Variants in GALNTL6 observed in about 807,000 individuals in gnomAD.
GALNTL6 encodes the protein polypeptide N-acetylgalactosaminyltransferase like 6, also known as polypeptide N-acetylgalactosaminyltransferase-like 6.
In GALNTL6, 46 loss-of-function variants were observed where a neutral mutation model predicts 73.7. The observed-to-expected ratio is 0.62, with a 90% confidence interval of 0.49 to 0.80. GALNTL6 has a LOEUF of 0.80. GALNTL6 is among the 30% of genes least tolerant of loss of function. GALNTL6 has a pLI of 0.00. For missense variants in GALNTL6, 604 were observed against 755.0 expected, an observed-to-expected ratio of 0.80 and a Z score of 2.34; for synonymous variants, 259 against 263.7, an observed-to-expected ratio of 0.98 and a Z score of 0.17.
chr4:172,253,606 G>T (rs185732697), intron 3 of GALNTL6, among the ~76,000 whole-genome samples: 1 of 151,996 alleles, frequency 6.6e-6, no homozygotes, highest in Admixed American at 6.6e-5. Context: ...ATAATGGGTG[G>T]CATTTCTGAA....
intron 7 of GALNTL6, among the ~76,000 whole-genome samples, chr4:172,857,832 T>G (rs895866188): frequency 3.3e-5 from 5 of 152,210 alleles, no homozygotes; most frequent in African/African-American, 1.2e-4. Context: ...ATCTTGACTT[T>G]GAGGAAGGAA....
intron 2 of GALNTL6, among the ~76,000 whole-genome samples, chr4:171,981,092 C>T (rs768098232): frequency 7.9e-5 from 12 of 152,182 alleles, no homozygotes; most frequent in Non-Finnish European, 1.2e-4. Context: ...CTGACACAAC[C>T]TCAGGGGTCT....
chr4:172,673,514 C>T (rs1732109292), intron 5 of GALNTL6, among the ~76,000 whole-genome samples: 1 of 152,048 alleles, frequency 6.6e-6, no homozygotes, highest in African/African-American at 2.4e-5. Flanking sequence ...GAGTTCAGGT[C>T]CTAAACATAT....
At chr4:173,024,516 C>G (rs992234246) in intron 12 of GALNTL6, among the ~76,000 whole-genome samples, 7 of 152,206 alleles carry the variant, frequency 4.6e-5, no homozygotes, top group African/African-American at 1.7e-4. Flanking sequence ...AGAGAAATCT[C>G]TCTGGTGTGT....
At chr4:172,130,104 C>T (rs28482366) in intron 2 of GALNTL6, among the ~76,000 whole-genome samples, 67,414 of 151,104 alleles carry the variant, frequency 0.45, 15,655 homozygotes, top group African/African-American at 0.56. Flanking sequence ...GGTAATTATT[C>T]TTGGTTACAA....
At position 172,877,723 on chromosome 4, in the gene GALNTL6, G is replaced by T. The variant is rs569314234; in HGVS notation, c.924-5067G>T. 1.1e-4 allele frequency among the ~76,000 whole-genome samples: 17 copies of T among 151,364 alleles called. No individual in the cohort carries two copies. In the East Asian group the frequency reaches 3.1e-3, roughly 28 times the overall value. On this transcript the variant is annotated intron_variant, in intron 7 of 12. Coordinates refer to ENST00000506823, the MANE Select transcript of GALNTL6 (RefSeq NM_001034845.3). ...TTCAGAAAAGTCATGTATTTCTATG[G>T]CCTGTAGAAAAAAAAATCTTCAGTA...
At chr4:172,292,667 T>C (rs1362522214) in intron 3 of GALNTL6, among the ~76,000 whole-genome samples, 2 of 152,128 alleles carry the variant, frequency 1.3e-5, no homozygotes, top group African/African-American at 2.4e-5. Context: ...GAAAATTTTA[T>C]AAAACATAGC....
chr4:172,920,270 C>T (rs1747727580), intron 8 of GALNTL6, among the ~76,000 whole-genome samples: 1 of 152,052 alleles, frequency 6.6e-6, no homozygotes. Context: ...TTCTTTTTTT[C>T]TCGCTATCTC....
At chr4:172,770,265 C>CTATAAATA (rs1553986835) in intron 5 of GALNTL6, among the ~76,000 whole-genome samples, 8 of 141,292 alleles carry the variant, frequency 5.7e-5, no homozygotes, top group Non-Finnish European at 1.5e-5. Flanking sequence ...GACTCCATCT[C>CTATAAATA]AATAAATAAA....
intron 5 of GALNTL6, among the ~76,000 whole-genome samples, chr4:172,407,016 AT>A (rs1251119498): frequency 6.6e-6 from 1 of 152,012 alleles, no homozygotes. Context: ...ATCATTTTAA[AT>A]GGGTCAATTT....
At chr4:172,485,286 A>G (rs560729635) in intron 5 of GALNTL6, among the ~76,000 whole-genome samples, 6 of 152,212 alleles carry the variant, frequency 3.9e-5, no homozygotes, top group African/African-American at 1.4e-4. Context: ...CAAATTGCAG[A>G]TCCTGAAAGA....
At chr4:172,265,794 T>C (rs1393486222) in intron 3 of GALNTL6, among the ~76,000 whole-genome samples, 1 of 152,224 alleles carries the variant, frequency 6.6e-6, no homozygotes, top group African/African-American at 2.4e-5. Context: ...ACAACTATTA[T>C]ATAGATTAAT....
chr4:172,612,208 T>C (rs966036221), intron 5 of GALNTL6, among the ~76,000 whole-genome samples: 1 of 152,074 alleles, frequency 6.6e-6, no homozygotes, highest in African/African-American at 2.4e-5. Flanking sequence ...TCCAAAATGT[T>C]TAACTTCTTT....
intron 8 of GALNTL6, among the ~76,000 whole-genome samples, chr4:172,928,099 G>A (rs1467975545): frequency 2.0e-5 from 3 of 152,214 alleles, no homozygotes; most frequent in Non-Finnish European, 4.4e-5. Flanking sequence ...TCCACTGCCA[G>A]TTTTGGTAAG....
Position 171,826,700 on chromosome 4 carries a change from C to T in GALNTL6, c.138+11982C>T, listed in dbSNP as rs554140767. Among the ~76,000 whole-genome samples, 11 of 152,188 alleles carry T rather than the reference C, an allele frequency of 7.2e-5. No homozygotes were observed. The South Asian group carries it at 2.3e-3, about 32-fold the overall frequency. On this transcript the variant is annotated intron_variant, in intron 2 of 12. Coordinates refer to ENST00000506823, the MANE Select transcript of GALNTL6 (RefSeq NM_001034845.3). ...GTTAGAAATTAGCTTAACACTCCTA[C>T]GGAAAACGGTCTTCTTCATCTGAGA... is the stretch of plus-strand genomic sequence containing the variant.
chr4:172,893,342 T>TG (rs1188538488), intron 8 of GALNTL6, among the ~76,000 whole-genome samples: 3,161 of 129,132 alleles, frequency 0.024, 165 homozygotes, highest in African/African-American at 0.08. Flanking sequence ...GTTCTGAGAG[T>TG]GGCGGGGGGG....
intron 2 of GALNTL6, among the ~76,000 whole-genome samples, chr4:172,156,547 A>ATATATATATAC (rs1734284094): frequency 8.8e-6 from 1 of 113,776 alleles, no homozygotes; most frequent in African/African-American, 3.9e-5. Context: ...TATAATATAT[A>ATATATATATAC]TATATATATA....
At chr4:172,056,073 A>G (rs1017872523) in intron 2 of GALNTL6, among the ~76,000 whole-genome samples, 1 of 152,216 alleles carries the variant, frequency 6.6e-6, no homozygotes, top group Admixed American at 6.6e-5. Context: ...CTGAGTGAAG[A>G]TACCTATAAA....
intron 12 of GALNTL6, among the ~76,000 whole-genome samples, chr4:173,037,762 A>G (rs1309753931): frequency 2.0e-5 from 3 of 148,254 alleles, no homozygotes; most frequent in African/African-American, 5.0e-5. Flanking sequence ...TTTTTTTTTG[A>G]GACAGAGTCT....
Sources: gnomAD v4.1 joint callset for allele counts (sites outside exome capture counted in the v4.1 genomes callset) on GRCh38, gnomAD v4.1.1 for gene constraint, MANE v1.5 for transcripts, NCBI Gene and HGNC (gene_info 2026-07-23, HGNC 2026-07-21) for gene names.